The following WDR7 variants were observed in gnomAD, a reference collection of about 807,000 sequenced individuals.
WDR7 encodes WD repeat domain 7, also known as WD repeat-containing protein 7.
In WDR7, 46 loss-of-function variants were observed where a neutral mutation model predicts 169.4. The ratio of observed to expected loss-of-function variants is 0.27; its 90% CI spans 0.21 to 0.35. The LOEUF is 0.35. Ranked by LOEUF, WDR7 falls within the 10% of genes least tolerant of loss-of-function variation. The pLI is 1.00. For synonymous variants in WDR7, 612 were observed against 666.8 expected (o/e 0.92, Z 1.27); for missense variants, 1,534 against 1,859.3 (o/e 0.83, Z 3.22).
chr18:56,931,924 G>A (rs2046891037), intron 22 of WDR7, among the ~76,000 whole-genome samples: 1 of 152,120 alleles, frequency 6.6e-6, no homozygotes, highest in Admixed American at 6.5e-5. Context: ...TGAAAATTAG[G>A]GAACTAGATT....
chr18:57,013,280 T>G (rs1223932499), intron 26 of WDR7, among the ~76,000 whole-genome samples: 3 of 152,172 alleles, frequency 2.0e-5, no homozygotes, highest in Non-Finnish European at 4.4e-5. Flanking sequence ...TCACCCACCC[T>G]CCTGCTGTAC....
intron 16 of WDR7, among the ~76,000 whole-genome samples, chr18:56,759,809 A>G (rs2043955065): frequency 1.3e-5 from 2 of 152,148 alleles, no homozygotes; most frequent in South Asian, 4.1e-4. Flanking sequence ...AAGGTTTGTT[A>G]AACAGTAGAC....
chr18:56,766,635 CCT>C (rs1435203331), intron 16 of WDR7, among the ~76,000 whole-genome samples: 2 of 152,024 alleles, frequency 1.3e-5, no homozygotes, highest in Non-Finnish European at 1.5e-5. Context: ...AGCAATTTTC[CCT>C]GTTTGGCCCC....
rs2025435830 is a variant in WDR7 at position 56,685,990 on chromosome 18, C to T, written c.555C>T (p.Ile185=). 6.3e-7 allele frequency: 1 copy of T among 1,599,418 alleles called. No individual in the cohort carries two copies. Among genetic ancestry groups the T allele is most frequent in the East Asian group, 2.3e-5 (1 of 44,356 alleles). Residue 185 remains isoleucine (I), a synonymous_variant, in exon 6 of 28, where the codon ATC becomes ATT. Coordinates refer to ENST00000254442, the MANE Select transcript of WDR7 (RefSeq NM_015285.3). Reference sequence around the variant, plus strand: ...TGGTAGCACTCTCGGTGACTGGCATCCTGAAGGTCTGGATTGTTACCTCGG... The same window carrying T: ...TGGTAGCACTCTCGGTGACTGGCATTCTGAAGGTCTGGATTGTTACCTCGG... ...DTVVALSVTG[I]LKVWIVTSEI...
At chr18:56,880,401 T>A (rs1419632176) in intron 21 of WDR7, among the ~76,000 whole-genome samples, 1 of 152,212 alleles carries the variant, frequency 6.6e-6, no homozygotes, top group African/African-American at 2.4e-5. Flanking sequence ...TTTCTGACCT[T>A]TGTATTTTTG....
At chr18:56,793,132 G>A (rs1568197801) in intron 19 of WDR7, among the ~76,000 whole-genome samples, 1 of 151,998 alleles carries the variant, frequency 6.6e-6, no homozygotes, top group Non-Finnish European at 1.5e-5. Flanking sequence ...CTACATTAAT[G>A]TTTGATACAT....
intron 19 of WDR7, among the ~76,000 whole-genome samples, chr18:56,792,384 A>G (rs2044503235): frequency 6.6e-6 from 1 of 152,126 alleles, no homozygotes; most frequent in Admixed American, 6.5e-5. Flanking sequence ...AATTCAGTGG[A>G]AAGAGTAGTA....
At position 56,695,085 on chromosome 18, in the gene WDR7, T is replaced by C; in HGVS notation, c.1244T>C (p.Ile415Thr). ...EPLKVTASVY[I>T]PAHGRLVCGR... ...CTTAAAGTAACTGCAAGTGTGTACA[T>C]ACCAGCACATGGACGACTTGTTTGT... Residue 415 changes from isoleucine (I) to threonine (T), a missense_variant, in exon 11 of 28, where the codon ATA becomes ACA. Physicochemically the swap from Ile to Thr is moderately conservative, Grantham distance 89. Transcript: ENST00000254442. 6.2e-7 allele frequency: 1 copy of C among 1,614,128 alleles called. No individual in the cohort carries two copies. Among genetic ancestry groups the C allele is most frequent in the Non-Finnish European group, 8.5e-7 (1 of 1,180,020 alleles).
At chr18:56,761,892 G>T (rs2043985990) in intron 16 of WDR7, among the ~76,000 whole-genome samples, 1 of 151,914 alleles carries the variant, frequency 6.6e-6, no homozygotes, top group African/African-American at 2.4e-5. Context: ...TTTATCTGGG[G>T]ATTCCTTTGA....
chr18:57,005,030 C>T (rs972105455), intron 26 of WDR7, among the ~76,000 whole-genome samples: 7 of 152,224 alleles, frequency 4.6e-5, no homozygotes, highest in African/African-American at 1.7e-4. Flanking sequence ...TAACCTTTGG[C>T]AAAGCAGTTA....
chr18:56,910,607 C>G (rs906362928), intron 21 of WDR7, among the ~76,000 whole-genome samples: 1 of 152,038 alleles, frequency 6.6e-6, no homozygotes, highest in African/African-American at 2.4e-5. Flanking sequence ...AAAGCCAAAT[C>G]AGTAAAATTA....
chr18:57,026,453 T>A (rs2048367353), intron 27 of WDR7, among the ~76,000 whole-genome samples: 1 of 151,942 alleles, frequency 6.6e-6, no homozygotes, highest in African/African-American at 2.4e-5. Context: ...AGAAAGCGAG[T>A]TTTTAAAAAG....
chr18:56,736,981 A>G (rs2026714014), intron 14 of WDR7, among the ~76,000 whole-genome samples: 1 of 152,188 alleles, frequency 6.6e-6, no homozygotes, highest in East Asian at 1.9e-4. Flanking sequence ...GGTAATGATT[A>G]AAGAGAGGAA....
At chr18:56,892,824 A>G (rs1168052587) in intron 21 of WDR7, among the ~76,000 whole-genome samples, 1 of 152,090 alleles carries the variant, frequency 6.6e-6, no homozygotes, top group African/African-American at 2.4e-5. Flanking sequence ...TAAATATAAC[A>G]TCCGTGGTAG....
chr18:56,797,528 GATATAA>G (rs1052220295), intron 19 of WDR7, among the ~76,000 whole-genome samples: 2 of 150,978 alleles, frequency 1.3e-5, no homozygotes, highest in Admixed American at 6.6e-5. Context: ...TTATATTTAT[GATATAA>G]ATATAAAACA....
rs567660109 is a variant in WDR7, at chr18:56,675,535, A to C, written c.159+2861A>C. ...TTTCATTGCTGGTGTATAGAAATACATTTGAGTTTGTTTATTCATCTTGTA... is the reference window on the plus strand; with the variant it reads ...TTTCATTGCTGGTGTATAGAAATACCTTTGAGTTTGTTTATTCATCTTGTA... On this transcript the variant is annotated intron_variant, in intron 2 of 27. Coordinates refer to ENST00000254442, the MANE Select transcript of WDR7 (RefSeq NM_015285.3). Among the ~76,000 whole-genome samples, 4 of 151,816 alleles carry C rather than the reference A, an allele frequency of 2.6e-5. No homozygotes were observed. In the South Asian group the frequency reaches 8.3e-4, roughly 32 times the overall value.
intron 26 of WDR7, among the ~76,000 whole-genome samples, chr18:56,984,374 C>T (rs938667191): frequency 6.6e-6 from 1 of 152,260 alleles, no homozygotes; most frequent in South Asian, 2.1e-4. Flanking sequence ...CAATAGAATA[C>T]ATTTAAATGT....
Position 56,657,572 on chromosome 18 carries a change from G to T in WDR7, c.-20+5996G>T, listed in dbSNP as rs190055613. Among the ~76,000 whole-genome samples the T allele has an allele frequency of 3.9e-4, 59 of 152,352 alleles. 1 individual carries two copies. Among genetic ancestry groups the T allele is most frequent in the Non-Finnish European group, 7.6e-4 (52 of 68,044 alleles). ...ATGCCATTGATCATAGGCAAAATCA[G>T]CTGAGAGCTATGGATAGCTCAGTGA... On this transcript the variant is annotated intron_variant, in intron 1 of 27. Transcript: ENST00000254442.
chr18:56,884,354 G>A (rs181243530), intron 21 of WDR7, among the ~76,000 whole-genome samples: 2 of 152,202 alleles, frequency 1.3e-5, no homozygotes, highest in African/African-American at 4.8e-5. Context: ...TGATGGGATT[G>A]TTTGTTCTTA....
Sources: allele counts gnomAD v4.1 joint callset (sites outside exome capture counted in the v4.1 genomes callset), GRCh38; gene constraint gnomAD v4.1.1; transcripts MANE v1.5; gene names NCBI Gene and HGNC (gene_info 2026-07-23, HGNC 2026-07-21).